The following PRKDC variants were observed in gnomAD, a reference collection of about 807,000 sequenced individuals.
The protein encoded by PRKDC is protein kinase, DNA-activated, catalytic subunit, also known as DNA-dependent protein kinase catalytic subunit.
In PRKDC, 82 loss-of-function variants were observed where a neutral mutation model predicts 486.9. That is an observed-to-expected ratio of 0.17 (90% CI 0.14 to 0.20). The LOEUF is 0.20. PRKDC is among the 10% of genes least tolerant of loss of function. PRKDC has a pLI of 1.00. For missense variants in PRKDC, 4,504 were observed against 5,038.2 expected (o/e 0.89, Z 3.21); for synonymous variants, 1,895 against 1,837.0 (o/e 1.03, Z -0.81).
intron 51 of PRKDC, among the ~76,000 whole-genome samples, chr8:47,853,249 T>A (rs375830778): frequency 6.6e-6 from 1 of 152,208 alleles, no homozygotes; most frequent in African/African-American, 2.4e-5. Flanking sequence ...GTTATCCCAG[T>A]GTAGAAGCCA....
chr8:47,857,381 G>A (rs2088567370), intron 48 of PRKDC, 82 bp from the exon 49 acceptor site: 1 of 1,429,096 alleles, frequency 7.0e-7, no homozygotes. Context: ...TCTTCCATCA[G>A]CTAAAATTTT....
At chr8:47,871,143 G>A (rs755799931) in intron 40 of PRKDC, among the ~76,000 whole-genome samples, 21 of 152,250 alleles carry the variant, frequency 1.4e-4, no homozygotes, top group Admixed American at 7.8e-4. Flanking sequence ...AAAAGGTAGC[G>A]GGAGACAGGG....
rs772779824 is a variant in PRKDC, at chr8:47,888,722, A to C, written c.4281-72T>G. ...AAATTATCAAGATACACTGAAAAAA[A>C]TGTTTGCACTGTTATGAAGCAAACA... On this transcript the variant is annotated intron_variant, in intron 33 of 85. Coordinates refer to ENST00000314191, the MANE Select transcript of PRKDC (RefSeq NM_006904.7). The C allele has an allele frequency of 1.0e-4, 150 of 1,464,936 alleles. 1 individual carries two copies. The highest frequency in any genetic ancestry group is 2.3e-4 in the South Asian group (15 of 66,628). The allele number at this position is 1,464,936 out of a possible 1,614,324, so 90.7% of individuals were successfully genotyped here.
chr8:47,777,942 G>T (rs1005063435), intron 83 of PRKDC, 68 bp from the exon 84 acceptor site: 54 of 1,403,516 alleles, frequency 3.8e-5, no homozygotes, highest in Non-Finnish European at 3.6e-5. Context: ...AGCACAAATG[G>T]CAGCATCCTC....
At chr8:47,907,396 C>CTATATATATATA (rs368939598) in intron 25 of PRKDC, among the ~76,000 whole-genome samples, 1 of 144,068 alleles carries the variant, frequency 6.9e-6, no homozygotes. Context: ...GTATACATAG[C>CTATATATATATA]TATATATATA....
intron 56 of PRKDC, among the ~76,000 whole-genome samples, chr8:47,837,953 T>C (rs915499269): frequency 3.3e-5 from 5 of 152,168 alleles, no homozygotes; most frequent in South Asian, 4.1e-4. Context: ...CTGACCAACA[T>C]GGTGAAACCC....
chr8:47,799,947 A>G (rs1215601975), intron 71 of PRKDC, among the ~76,000 whole-genome samples: 3 of 152,240 alleles, frequency 2.0e-5, no homozygotes, highest in Admixed American at 1.3e-4. Flanking sequence ...TTAATTAACA[A>G]AAGTCATAAA....
At chr8:47,934,714 A>G (rs2090318259) in intron 14 of PRKDC, among the ~76,000 whole-genome samples, 1 of 152,198 alleles carries the variant, frequency 6.6e-6, no homozygotes, top group African/African-American at 2.4e-5. Flanking sequence ...ATTTCTGGGA[A>G]CTAAGATATG....
chr8:47,885,451 C>A (rs781489570), intron 36 of PRKDC, among the ~76,000 whole-genome samples: 4 of 152,010 alleles, frequency 2.6e-5, no homozygotes, highest in Non-Finnish European at 5.9e-5. Flanking sequence ...CCATGCCTGG[C>A]CTAATATTCA....
chr8:47,891,235 T>C (rs1403649181), intron 31 of PRKDC, among the ~76,000 whole-genome samples: 1 of 152,192 alleles, frequency 6.6e-6, no homozygotes, highest in Non-Finnish European at 1.5e-5. Context: ...CAATTTAAAA[T>C]ACTTGTACAC....
chr8:47,802,806 C>A (rs2087137046), intron 70 of PRKDC, among the ~76,000 whole-genome samples: 1 of 152,128 alleles, frequency 6.6e-6, no homozygotes, highest in Admixed American at 6.5e-5. Flanking sequence ...GCGCCCACCA[C>A]CATGCCTGGT....
At chr8:47,834,146 A>T (rs764923974) in intron 59 of PRKDC, 50 bp downstream of exon 59, 1 of 1,597,164 alleles carries the variant, frequency 6.3e-7, no homozygotes, top group Non-Finnish European at 8.6e-7. Flanking sequence ...TGAGCTCTGC[A>T]GTAATTTAGT....
At chr8:47,774,485 A>G in intron 85 of PRKDC, 108 bp from the exon 86 acceptor site, 1 of 1,060,438 alleles carries the variant, frequency 9.4e-7, no homozygotes, top group Non-Finnish European at 1.4e-6. Context: ...TCACTCACAG[A>G]GTATTTTCTG....
chr8:47,921,205 A>C (rs2090064643), intron 21 of PRKDC, among the ~76,000 whole-genome samples: 1 of 152,132 alleles, frequency 6.6e-6, no homozygotes, highest in Non-Finnish European at 1.5e-5. Flanking sequence ...CAGTGAGCCA[A>C]GATCACGCCA....
intron 46 of PRKDC, among the ~76,000 whole-genome samples, chr8:47,859,250 T>C (rs1378751152): frequency 1.3e-5 from 2 of 151,990 alleles, no homozygotes; most frequent in Non-Finnish European, 2.9e-5. Flanking sequence ...GATGTCTCTG[T>C]TACACTGACC....
Position 47,918,344 on chromosome 8 carries a change from C to T in PRKDC, c.2459G>A (p.Arg820Gln), listed in dbSNP as rs575618153. ...KNNWEVSALS[R>Q]AAQKGFNKVV... The stretch of plus-strand genomic sequence containing the variant: ...TTTATTAAATCCTTTCTGGGCAGCC[C>T]GAGAAAGAGCTGACACTTCCCAGTT... The change falls in exon 22 of 86, where the codon CGG becomes CAG. Residue 820 changes from arginine to glutamine, a missense_variant. This residue lies in a region of PRKDC where 1,969 missense variants were observed against 2,068.9 expected (regional missense o/e 0.95). Transcript: ENST00000314191. The T allele has an allele frequency of 2.1e-5, 34 of 1,592,454 alleles. No homozygotes were observed. The highest frequency in any genetic ancestry group is 2.8e-5 in the Non-Finnish European group (33 of 1,168,230).
At chr8:47,930,287 T>G (rs2090228224) in intron 17 of PRKDC, among the ~76,000 whole-genome samples, 1 of 152,242 alleles carries the variant, frequency 6.6e-6, no homozygotes, top group Non-Finnish European at 1.5e-5. Flanking sequence ...TTTATTTATT[T>G]TTTGAGACGG....
At chr8:47,791,300 C>A (rs962045116) in intron 74 of PRKDC, among the ~76,000 whole-genome samples, 6 of 152,108 alleles carry the variant, frequency 3.9e-5, no homozygotes, top group African/African-American at 1.4e-4. Context: ...CATGGTGAAA[C>A]CCTGTCCCTA....
chr8:47,952,399 T>G (rs2090639239), intron 7 of PRKDC, among the ~76,000 whole-genome samples: 1 of 152,208 alleles, frequency 6.6e-6, no homozygotes, highest in South Asian at 2.1e-4. Context: ...CTGTGTAACT[T>G]TTTGAAATGA....
Sources: gnomAD v4.1 joint callset for allele counts (sites outside exome capture counted in the v4.1 genomes callset) on GRCh38, gnomAD v4.1.1 for gene constraint, gnomAD v4.1.1 regional missense constraint, MANE v1.5 for transcripts, NCBI Gene and HGNC (gene_info 2026-07-23, HGNC 2026-07-21) for gene names.